Variants in GRM5 observed in about 807,000 individuals in gnomAD.
GRM5 encodes the protein glutamate metabotropic receptor 5, also known as metabotropic glutamate receptor 5.
In GRM5, 19 loss-of-function variants were observed where a neutral mutation model predicts 83.1. The observed-to-expected ratio is 0.23, with a 90% confidence interval of 0.16 to 0.34. The LOEUF is 0.34. Among genes scored for constraint, GRM5 ranks in the 10% least tolerant of loss-of-function variants. The pLI is 1.00. For missense variants in GRM5, 1,160 were observed against 1,588.3 expected (o/e 0.73, Z 4.58); for synonymous variants, 675 against 633.6 (o/e 1.07, Z -0.98).
chr11:88,897,724 T>C (rs1945252010), intron 2 of GRM5, among the ~76,000 whole-genome samples: 1 of 151,920 alleles, frequency 6.6e-6, no homozygotes, highest in Admixed American at 6.6e-5. Flanking sequence ...GTTCAAACTG[T>C]CAATACTGCT....
chr11:88,692,082 G>T (rs1404823601), intron 3 of GRM5, among the ~76,000 whole-genome samples: 1 of 152,144 alleles, frequency 6.6e-6, no homozygotes, highest in African/African-American at 2.4e-5. Context: ...TTTGTTTCTT[G>T]TTAATGCCTG....
intron 4 of GRM5, among the ~76,000 whole-genome samples, chr11:88,623,254 T>A (rs868505331): frequency 3.3e-5 from 5 of 151,764 alleles, no homozygotes; most frequent in African/African-American, 1.2e-4. Context: ...CCCGGCTAAT[T>A]TTTTGTATTT....
chr11:88,878,639 C>T (rs1453143851), intron 2 of GRM5, among the ~76,000 whole-genome samples: 1 of 152,072 alleles, frequency 6.6e-6, no homozygotes, highest in Non-Finnish European at 1.5e-5. Flanking sequence ...TATTCCAGGC[C>T]CAAAATCCAT....
intron 2 of GRM5, among the ~76,000 whole-genome samples, chr11:88,931,642 A>G (rs1937709192): frequency 6.6e-6 from 1 of 152,136 alleles, no homozygotes; most frequent in Non-Finnish European, 1.5e-5. Context: ...TCTAAAAGAG[A>G]TAAAATACAG....
chr11:89,005,497 A>C, intron 2 of GRM5, among the ~76,000 whole-genome samples: 1 of 152,316 alleles, frequency 6.6e-6, no homozygotes, highest in African/African-American at 2.4e-5. Flanking sequence ...AGGTAACAGT[A>C]ATGGGAATGG....
At chr11:88,691,578 G>A (rs1280446231) in intron 3 of GRM5, among the ~76,000 whole-genome samples, 1 of 152,038 alleles carries the variant, frequency 6.6e-6, no homozygotes, top group African/African-American at 2.4e-5. Context: ...TCTTTGCTAT[G>A]TCTGCTCTCT....
At chr11:88,940,040 C>G (rs1938036284) in intron 2 of GRM5, among the ~76,000 whole-genome samples, 1 of 151,872 alleles carries the variant, frequency 6.6e-6, no homozygotes, top group Non-Finnish European at 1.5e-5. Flanking sequence ...GCTCAAATAT[C>G]ATTCAATGAA....
chr11:88,591,570 T>C (rs941687441), intron 6 of GRM5, among the ~76,000 whole-genome samples: 1 of 152,228 alleles, frequency 6.6e-6, no homozygotes, highest in Non-Finnish European at 1.5e-5. Context: ...GTGATTAATA[T>C]TCAGCAATGA....
chr11:88,938,479 T>G (rs557817071), intron 2 of GRM5, among the ~76,000 whole-genome samples: 1 of 151,608 alleles, frequency 6.6e-6, no homozygotes, highest in Non-Finnish European at 1.5e-5. Context: ...GGGTCTGTAT[T>G]TAGTGTTAAA....
At chr11:89,051,410 T>C (rs956696145) in intron 1 of GRM5, among the ~76,000 whole-genome samples, 10 of 151,998 alleles carry the variant, frequency 6.6e-5, no homozygotes, top group African/African-American at 1.7e-4. Context: ...CAGGCTCTTA[T>C]AAAAAAAATT....
intron 2 of GRM5, among the ~76,000 whole-genome samples, chr11:88,917,119 A>G (rs949099800): frequency 5.9e-5 from 9 of 152,244 alleles, no homozygotes; most frequent in Non-Finnish European, 1.0e-4. Flanking sequence ...CCCTTCTCCA[A>G]CTTCAGGCAG....
At chr11:88,538,241 G>A (rs894072822) in intron 8 of GRM5, among the ~76,000 whole-genome samples, 7 of 152,068 alleles carry the variant, frequency 4.6e-5, no homozygotes, top group Non-Finnish European at 8.8e-5. Context: ...AATTCCCAAA[G>A]GATGTATTTT....
intron 1 of GRM5, among the ~76,000 whole-genome samples, chr11:89,061,784 C>T (rs185785135): frequency 6.6e-6 from 1 of 152,302 alleles, no homozygotes; most frequent in Non-Finnish European, 1.5e-5. Flanking sequence ...CAAATCATCT[C>T]GACACATCCT....
chr11:88,620,966 G>C (rs1205561648), intron 4 of GRM5, among the ~76,000 whole-genome samples: 1 of 152,126 alleles, frequency 6.6e-6, no homozygotes, highest in East Asian at 1.9e-4. Flanking sequence ...ACACTTCTCC[G>C]TGCAGAACAT....
intron 2 of GRM5, among the ~76,000 whole-genome samples, chr11:88,957,970 A>G (rs1938673608): frequency 1.3e-5 from 2 of 152,138 alleles, no homozygotes. Flanking sequence ...TCTTTTTAAG[A>G]ACTATTTTTA....
At chr11:88,935,204 C>T (rs781007444) in intron 2 of GRM5, among the ~76,000 whole-genome samples, 12 of 151,844 alleles carry the variant, frequency 7.9e-5, no homozygotes, top group Non-Finnish European at 1.8e-4. Context: ...TCTCCACAAC[C>T]CCATGTTCTC....
chr11:88,933,522 T>G (rs992578846), intron 2 of GRM5, among the ~76,000 whole-genome samples: 1 of 151,866 alleles, frequency 6.6e-6, no homozygotes, highest in Admixed American at 6.6e-5. Flanking sequence ...GACAGATTTC[T>G]TCAATTTTTA....
intron 3 of GRM5, among the ~76,000 whole-genome samples, chr11:88,798,660 C>G (rs980164099): frequency 4.6e-5 from 7 of 151,856 alleles, no homozygotes; most frequent in South Asian, 2.1e-4. Context: ...TTTTGGAAAG[C>G]CTGTGGTGTT....
At chr11:88,722,281 A>G (rs1455966339) in intron 3 of GRM5, among the ~76,000 whole-genome samples, 1 of 152,128 alleles carries the variant, frequency 6.6e-6, no homozygotes, top group Admixed American at 6.6e-5. Context: ...AGTTGGTATC[A>G]CTGTAAGGAT....
Sources: gnomAD v4.1 joint callset for allele counts (sites outside exome capture counted in the v4.1 genomes callset) on GRCh38, gnomAD v4.1.1 for gene constraint, MANE v1.5 for transcripts, NCBI Gene and HGNC (gene_info 2026-07-23, HGNC 2026-07-21) for gene names.